Variants in FAM184A observed in about 807,000 individuals in gnomAD.
The protein encoded by FAM184A is protein FAM184A.
A neutral mutation model predicts 143.8 loss-of-function variants in FAM184A; 99 were observed. That is an observed-to-expected ratio of 0.69 (90% CI 0.58 to 0.81). FAM184A has a LOEUF of 0.81. Among genes scored for constraint, FAM184A ranks in the 40% least tolerant of loss-of-function variants. The probability of loss-of-function intolerance (pLI) is 0.00; values close to 1 mark genes in which losing one functional copy is unlikely to be tolerated. For synonymous variants in FAM184A, 427 were observed against 446.4 expected (o/e 0.96, Z 0.55); for missense variants, 1,217 against 1,310.5 (o/e 0.93, Z 1.10).
intron 1 of FAM184A, among the ~76,000 whole-genome samples, chr6:119,050,780 C>A (rs2114745976): frequency 6.6e-6 from 1 of 151,570 alleles, no homozygotes; most frequent in South Asian, 2.1e-4. Flanking sequence ...AGTCCGCAGT[C>A]CGGCCTGGGC....
At chr6:119,108,908 C>T (rs1788859398) in intron 1 of FAM184A, among the ~76,000 whole-genome samples, 1 of 152,192 alleles carries the variant, frequency 6.6e-6, no homozygotes, top group South Asian at 2.1e-4. Context: ...CTTTTGAGGG[C>T]ATCTATGAGT....
intron 1 of FAM184A, among the ~76,000 whole-genome samples, chr6:119,027,808 A>C (rs1785711427): frequency 6.6e-6 from 1 of 152,170 alleles, no homozygotes; most frequent in Non-Finnish European, 1.5e-5. Context: ...TGAAGACTAA[A>C]TTTTAGCTAT....
chr6:119,051,703 A>G (rs1206847047), intron 1 of FAM184A, among the ~76,000 whole-genome samples: 1 of 152,190 alleles, frequency 6.6e-6, no homozygotes, highest in Non-Finnish European at 1.5e-5. Context: ...AAAAGAAAAA[A>G]AAGAATATCC....
chr6:119,131,147 C>A (rs1263300977), intron 1 of FAM184A, among the ~76,000 whole-genome samples: 1 of 152,126 alleles, frequency 6.6e-6, no homozygotes, highest in Non-Finnish European at 1.5e-5. Flanking sequence ...GTGTGAGCCA[C>A]CATGCCCAGC....
At chr6:119,083,137 T>C (rs191221280), upstream of FAM184A, among the ~76,000 whole-genome samples, 9 of 152,332 alleles carry the variant, frequency 5.9e-5, no homozygotes, top group Admixed American at 5.2e-4. Context: ...GTTGGTCCCT[T>C]TTAGCCACGG....
In FAM184A at chr6:119,013,716, T is replaced by C. The variant is rs187934619; in HGVS notation, c.1531-2285A>G. Among the ~76,000 whole-genome samples the C allele has an allele frequency of 9.2e-5, 14 of 152,344 alleles. No homozygotes were observed. In the East Asian group the frequency reaches 2.3e-3, roughly 25 times the overall value. On this transcript the variant is annotated intron_variant, in intron 5 of 17. Transcript: ENST00000338891. ...GTAAGTTTAGTAAGAAATAACATTC[T>C]AATGGGAAGTTTTATTTGAATTTTA...
chr6:118,983,166 G>C (rs13214708), intron 9 of FAM184A, among the ~76,000 whole-genome samples: 19,705 of 152,168 alleles, frequency 0.13, 1,408 homozygotes, highest in South Asian at 0.18. Flanking sequence ...CCTTAATCAT[G>C]CAATGCAATA....
chr6:119,036,865 T>C (rs192422222), intron 1 of FAM184A, among the ~76,000 whole-genome samples: 44 of 152,340 alleles, frequency 2.9e-4, no homozygotes, highest in African/African-American at 1.1e-3. Context: ...CAGAATACTG[T>C]GACATGGCAT....
intron 1 of FAM184A, among the ~76,000 whole-genome samples, chr6:119,063,007 A>G (rs1315403345): frequency 6.6e-6 from 1 of 152,232 alleles, no homozygotes; most frequent in East Asian, 1.9e-4. Context: ...TTAATTTTCT[A>G]AAAGACATTT....
At chr6:118,970,008 A>ATATATTTTTTTTTTTTTTTTTTT in intron 14 of FAM184A, among the ~76,000 whole-genome samples, 1 of 19,046 alleles carries the variant, frequency 5.3e-5, no homozygotes, top group African/African-American at 1.5e-4. Context: ...ATATATATAT[A>ATATATTTTTTTTTTTTTTTTTTT]TTTTTTTTTT....
intron 14 of FAM184A, 47 bp from the exon 15 acceptor site, chr6:118,966,999 T>G: frequency 1.1e-6 from 1 of 874,910 alleles, no homozygotes; most frequent in Non-Finnish European, 1.8e-6. Flanking sequence ...TCAGATACAT[T>G]CTTCTGTAAT....
chr6:119,085,718 T>C (rs1012064384), intron 1 of FAM184A, among the ~76,000 whole-genome samples: 1 of 152,196 alleles, frequency 6.6e-6, no homozygotes, highest in Non-Finnish European at 1.5e-5. Context: ...GACTGGGTAA[T>C]TTATAAAGAA....
intron 1 of FAM184A, among the ~76,000 whole-genome samples, chr6:119,063,105 T>C (rs886207114): frequency 2.0e-5 from 3 of 152,204 alleles, no homozygotes; most frequent in Admixed American, 6.5e-5. Flanking sequence ...AAAATCCATA[T>C]ACCTAGTAAA....
chr6:119,074,299 T>C (rs773858295), intron 1 of FAM184A, among the ~76,000 whole-genome samples: 8 of 152,086 alleles, frequency 5.3e-5, no homozygotes, highest in Non-Finnish European at 1.0e-4. Context: ...AGGTAAGAAG[T>C]AAAAAGGCAA....
chr6:119,080,006 T>C (rs906380347), upstream of FAM184A, among the ~76,000 whole-genome samples: 1 of 152,194 alleles, frequency 6.6e-6, no homozygotes, highest in Non-Finnish European at 1.5e-5. Context: ...GCACTAATGA[T>C]CAAATAAAAT....
chr6:119,119,391 A>G (rs184649045), intron 1 of FAM184A, among the ~76,000 whole-genome samples: 12 of 152,196 alleles, frequency 7.9e-5, no homozygotes, highest in African/African-American at 2.9e-4. Flanking sequence ...CATCACAGAA[A>G]CTACCGACAT....
In FAM184A at chr6:119,126,534, C is replaced by T. The variant is rs554325863; in HGVS notation, c.-202+22544G>A. Among the ~76,000 whole-genome samples, 3 of 152,348 alleles carry T rather than the reference C, an allele frequency of 2.0e-5. No homozygotes were observed. The East Asian group carries it at 5.8e-4, about 29-fold the overall frequency. On this transcript the variant is annotated intron_variant, in intron 1 of 16. Transcript: ENST00000352896. ...GTGGGTGCAAGAGCCAGGGCGAGTG[C>T]TTCCGGGCACCGGCAAGAGCAAAAC...
chr6:119,050,243 T>C (rs1391033291), intron 1 of FAM184A, among the ~76,000 whole-genome samples: 2 of 152,152 alleles, frequency 1.3e-5, no homozygotes, highest in African/African-American at 2.4e-5. Context: ...TGTTAATTAG[T>C]TCAACCATTG....
intron 1 of FAM184A, among the ~76,000 whole-genome samples, chr6:119,048,431 A>C (rs1329352174): frequency 6.6e-6 from 1 of 152,186 alleles, no homozygotes; most frequent in African/African-American, 2.4e-5. Flanking sequence ...AAAGAGAAGA[A>C]GTCAAACTAT....
Sources: allele counts gnomAD v4.1 joint callset (sites outside exome capture counted in the v4.1 genomes callset), GRCh38; gene constraint gnomAD v4.1.1; transcripts MANE v1.5; gene names NCBI Gene and HGNC (gene_info 2026-07-23, HGNC 2026-07-21).